The following DCBLD1 variants were observed in gnomAD, a reference collection of about 807,000 sequenced individuals.
DCBLD1 encodes discoidin, CUB and LCCL domain containing 1, also known as discoidin, CUB and LCCL domain-containing protein 1.
A neutral mutation model predicts 71.5 loss-of-function variants in DCBLD1; 57 were observed. That is an observed-to-expected ratio of 0.80 (90% CI 0.64 to 0.99). DCBLD1 has a LOEUF of 0.99. Among genes scored for constraint, DCBLD1 ranks in the 50% least tolerant of loss-of-function variants. The pLI is 0.00. For synonymous variants in DCBLD1, 380 were observed against 363.8 expected, an observed-to-expected ratio of 1.04 and a Z score of -0.51; for missense variants, 891 against 923.5, an observed-to-expected ratio of 0.96 and a Z score of 0.46.
intron 14 of DCBLD1, chr6:117,561,735 C>T (rs1444264190): frequency 4.8e-6 from 1 of 206,644 alleles, no homozygotes; most frequent in African/African-American, 2.3e-5. Context: ...ACGAAGTGCA[C>T]TTCCATTACA....
chr6:117,488,951 G>A (rs4357172), intron 1 of DCBLD1, among the ~76,000 whole-genome samples: 39,112 of 151,980 alleles, frequency 0.26, 5,128 homozygotes, highest in South Asian at 0.37. Context: ...TATTAATCTC[G>A]TTATTAGCTA....
chr6:117,535,526 C>A (rs760326136), intron 6 of DCBLD1, among the ~76,000 whole-genome samples: 1 of 152,042 alleles, frequency 6.6e-6, no homozygotes, highest in Non-Finnish European at 1.5e-5. Context: ...TTAATTCGTT[C>A]AATGGAATGA....
intron 14 of DCBLD1, among the ~76,000 whole-genome samples, chr6:117,564,811 T>C (rs1321543124): frequency 1.3e-5 from 2 of 152,172 alleles, no homozygotes; most frequent in Non-Finnish European, 2.9e-5. Context: ...ATTAAGGTTT[T>C]GACATACTGC....
chr6:117,503,875 T>C lies in DCBLD1; in HGVS notation c.221T>C (p.Val74Ala), dbSNP rs1562436171. The C allele has an allele frequency of 6.2e-7, 1 of 1,614,070 alleles. No individual in the cohort carries two copies. The highest frequency in any genetic ancestry group is 8.5e-7 in the Non-Finnish European group (1 of 1,179,986). The change falls in exon 2 of 15, where the codon GTA (valine) becomes GCA (alanine). Residue 74 changes from valine (V) to alanine (A), a missense_variant. By Grantham distance (64) the Val-to-Ala change is moderately conservative. Transcript: ENST00000338728. Reference protein sequence around the residue: ...NHTVCEKTITVPKGKRLILRL... With the variant: ...NHTVCEKTITAPKGKRLILRL... Reference sequence around the variant, plus strand: ...ACTGTTTGCGAAAAGACAATTACAGTACCAAAGGGGAAAAGACTGATTCTG... The same window carrying C: ...ACTGTTTGCGAAAAGACAATTACAGCACCAAAGGGGAAAAGACTGATTCTG...
intron 1 of DCBLD1, among the ~76,000 whole-genome samples, chr6:117,484,444 G>A (rs1307371890): frequency 6.6e-6 from 1 of 152,268 alleles, no homozygotes; most frequent in East Asian, 1.9e-4. Context: ...AACCTCCTGG[G>A]CTCAAGCAAT....
chr6:117,537,369 C>T (rs1474558139), intron 7 of DCBLD1, 144 bp downstream of exon 7: 9 of 671,902 alleles, frequency 1.3e-5, no homozygotes, highest in Admixed American at 2.9e-5. Flanking sequence ...CCCGTCTCTA[C>T]TAAAAATACA....
chr6:117,496,316 C>A (rs1777468180), intron 1 of DCBLD1, among the ~76,000 whole-genome samples: 1 of 152,068 alleles, frequency 6.6e-6, no homozygotes. Context: ...TTTATCATTA[C>A]AAGTTCTGTT....
In DCBLD1 at chr6:117,503,932, C is replaced by G. The variant is rs1167637478; in HGVS notation, c.278C>G (p.Thr93Ser). ...GGAGATTTGGATATCGAATCCCAGA[C>G]CTGTGCTTCTGACTATCTTCTCTTC... ...RLGDLDIESQ[T>S]CASDYLLFTS... Residue 93 changes from threonine (T) to serine (S), a missense_variant, in exon 2 of 15, where the codon ACC (threonine) becomes AGC (serine). By Grantham distance (58) the Thr-to-Ser change is moderately conservative (BLOSUM62 1). Transcript: ENST00000338728. 1.2e-6 allele frequency: 2 copies of G among 1,614,148 alleles called. No individual in the cohort carries two copies. Among genetic ancestry groups the G allele is most frequent in the African/African-American group, 1.3e-5 (1 of 75,042 alleles).
intron 7 of DCBLD1, among the ~76,000 whole-genome samples, chr6:117,537,494 A>G (rs945169120): frequency 9.3e-5 from 14 of 151,192 alleles, no homozygotes; most frequent in Admixed American, 5.3e-4. Context: ...AGATTGCGCC[A>G]CTGCACTCCA....
intron 9 of DCBLD1, chr6:117,539,735 C>T (rs1779025214): frequency 2.5e-5 from 4 of 160,584 alleles, no homozygotes; most frequent in South Asian, 3.7e-4. Context: ...GCCTGGGCAA[C>T]AGAGTAAAAT....
At position 117,567,232 on chromosome 6, in the gene DCBLD1, C is replaced by T. The variant is rs549733678; in HGVS notation, c.1616-2388C>T. The stretch of plus-strand genomic sequence containing the variant: ...TGATCAGCCTCGTGAATCCTCTCTA[C>T]AGTTCCTTTAAACATTATAGTAGCT... On this transcript the variant is annotated intron_variant, in intron 14 of 14. Transcript: ENST00000296955. 1.1e-4 allele frequency among the ~76,000 whole-genome samples: 17 copies of T among 152,254 alleles called. No homozygotes were observed. In the South Asian group the frequency reaches 3.3e-3, roughly 30 times the overall value.
chr6:117,531,764 A>G (rs1266158495), intron 5 of DCBLD1, among the ~76,000 whole-genome samples: 1 of 152,254 alleles, frequency 6.6e-6, no homozygotes, highest in African/African-American at 2.4e-5. Context: ...TGTGGAATTG[A>G]AAGTTCAGCT....
intron 1 of DCBLD1, among the ~76,000 whole-genome samples, chr6:117,484,188 C>T (rs75405122): frequency 0.03 from 4,558 of 152,224 alleles, 79 homozygotes; most frequent in Non-Finnish European, 0.037. Flanking sequence ...GAGAATCAGT[C>T]CAGCAGTATG....
chr6:117,517,548 C>G (rs1353164203), intron 2 of DCBLD1, among the ~76,000 whole-genome samples: 1 of 152,236 alleles, frequency 6.6e-6, no homozygotes, highest in Non-Finnish European at 1.5e-5. Flanking sequence ...CCCACATTTC[C>G]CTTCTGCACT....
At chr6:117,510,550 A>G (rs949346940) in intron 2 of DCBLD1, among the ~76,000 whole-genome samples, 1 of 152,188 alleles carries the variant, frequency 6.6e-6, no homozygotes, top group African/African-American at 2.4e-5. Flanking sequence ...CAGATACGGG[A>G]TGCCCTGAGC....
chr6:117,555,598 G>T (rs1253986934), intron 14 of DCBLD1, among the ~76,000 whole-genome samples: 2 of 152,174 alleles, frequency 1.3e-5, no homozygotes, highest in Non-Finnish European at 2.9e-5. Flanking sequence ...TCCGTATTTG[G>T]TGGGGGCAGG....
At chr6:117,516,665 T>C (rs1778211155) in intron 2 of DCBLD1, among the ~76,000 whole-genome samples, 1 of 152,160 alleles carries the variant, frequency 6.6e-6, no homozygotes, top group Non-Finnish European at 1.5e-5. Context: ...GATAAGGACA[T>C]ACCTGAGACT....
intron 1 of DCBLD1, among the ~76,000 whole-genome samples, chr6:117,497,087 C>G (rs553910869): frequency 6.6e-6 from 1 of 152,102 alleles, no homozygotes; most frequent in Admixed American, 6.6e-5. Flanking sequence ...CCCAGCTAAT[C>G]GGGATGCTGA....
chr6:117,565,170 C>G (rs1302528827), intron 14 of DCBLD1, among the ~76,000 whole-genome samples: 1 of 151,984 alleles, frequency 6.6e-6, no homozygotes, highest in Non-Finnish European at 1.5e-5. Flanking sequence ...ATGTTCCAAA[C>G]AAAAAAATTC....
Sources: allele counts gnomAD v4.1 joint callset (sites outside exome capture counted in the v4.1 genomes callset), GRCh38; gene constraint gnomAD v4.1.1; transcripts MANE v1.5; gene names NCBI Gene and HGNC (gene_info 2026-07-23, HGNC 2026-07-21).